The following COBL variants were observed in gnomAD, a reference collection of about 807,000 sequenced individuals.
COBL encodes cordon-bleu WH2 repeat protein.
In COBL, 51 loss-of-function variants were observed where a neutral mutation model predicts 98.8. The observed-to-expected ratio is 0.52, with a 90% CI of 0.41 to 0.65. COBL has a LOEUF of 0.65. Among genes scored for constraint, COBL ranks in the 30% least tolerant of loss-of-function variants. The pLI is 0.00. For synonymous variants in COBL, 634 were observed against 651.7 expected (o/e 0.97, Z 0.41); for missense variants, 1,617 against 1,617.5 (o/e 1.00, Z 0.01).
intron 6 of COBL, among the ~76,000 whole-genome samples, chr7:51,123,487 C>G (rs1000030445): frequency 6.6e-6 from 1 of 152,148 alleles, no homozygotes; most frequent in Non-Finnish European, 1.5e-5. Flanking sequence ...CCAATTCTTT[C>G]ATTTTCTGCC....
intron 6 of COBL, among the ~76,000 whole-genome samples, chr7:51,091,862 T>G (rs1794839552): frequency 1.3e-5 from 2 of 151,924 alleles, no homozygotes; most frequent in African/African-American, 4.8e-5. Flanking sequence ...CAGAAGAGGG[T>G]GGAATGACAT....
intron 2 of COBL, among the ~76,000 whole-genome samples, chr7:51,216,545 T>C (rs1466977278): frequency 6.6e-6 from 1 of 152,204 alleles, no homozygotes; most frequent in African/African-American, 2.4e-5. Flanking sequence ...TGTGGGGTGC[T>C]GGTAATACCA....
chr7:51,103,813 T>G (rs1247856291), intron 6 of COBL, among the ~76,000 whole-genome samples: 1 of 152,218 alleles, frequency 6.6e-6, no homozygotes, highest in Non-Finnish European at 1.5e-5. Context: ...TTGCTGGAAA[T>G]CTTACCTATT....
intron 12 of COBL, among the ~76,000 whole-genome samples, chr7:51,024,026 T>G (rs567556583): frequency 2.7e-4 from 41 of 152,232 alleles, no homozygotes; most frequent in African/African-American, 9.9e-4. Context: ...AAATAAAATC[T>G]TTGCCGGGCG....
At chr7:51,189,790 T>C (rs1016675748) in intron 4 of COBL, among the ~76,000 whole-genome samples, 2 of 152,234 alleles carry the variant, frequency 1.3e-5, no homozygotes, top group African/African-American at 2.4e-5. Context: ...AGACATCAAA[T>C]GAGGCTTATT....
chr7:51,274,828 T>C lies in COBL; in HGVS notation c.41+41765A>G, dbSNP rs530372001. 3.3e-5 allele frequency among the ~76,000 whole-genome samples: 5 copies of C among 152,370 alleles called. 1 individual carries two copies. Among genetic ancestry groups the C allele is most frequent in the South Asian group, 4.1e-4 (2 of 4,830 alleles). On this transcript the variant is annotated intron_variant, in intron 1 of 12. Transcript: ENST00000265136. ...ACCAGTCATGTTTTAAAATATAAGA[T>C]AGAAGATCAGCATTTGGGAATCTGA...
chr7:51,143,005 T>A (rs1784681809), intron 5 of COBL, among the ~76,000 whole-genome samples: 1 of 151,898 alleles, frequency 6.6e-6, no homozygotes, highest in Admixed American at 6.6e-5. Flanking sequence ...TGGTGCAAAC[T>A]TCATCAGGGC....
intron 6 of COBL, among the ~76,000 whole-genome samples, chr7:51,115,581 T>C (rs912911721): frequency 2.0e-5 from 3 of 152,136 alleles, no homozygotes; most frequent in Admixed American, 2.0e-4. Context: ...CCTAGACATA[T>C]TGTTACTGTT....
chr7:51,115,630 T>C (rs971012470), intron 6 of COBL, among the ~76,000 whole-genome samples: 11 of 152,140 alleles, frequency 7.2e-5, no homozygotes, highest in Admixed American at 2.0e-4. Context: ...TAAATCCTTT[T>C]AAGTATATTG....
chr7:51,147,998 G>T (rs543240107), intron 5 of COBL, among the ~76,000 whole-genome samples: 3 of 152,122 alleles, frequency 2.0e-5, no homozygotes, highest in African/African-American at 7.2e-5. Context: ...TCCGGATCTC[G>T]TGATCCGCCC....
chr7:51,082,958 C>A, intron 7 of COBL: 1 of 1,125,974 alleles, frequency 8.9e-7, no homozygotes, highest in South Asian at 1.3e-5. Flanking sequence ...GCACACACAT[C>A]CAAAGACAAG....
At chr7:51,226,282 G>C (rs1022912380) in intron 1 of COBL, among the ~76,000 whole-genome samples, 10 of 152,200 alleles carry the variant, frequency 6.6e-5, no homozygotes, top group African/African-American at 2.4e-4. Context: ...AAGAGAGTCT[G>C]TTTATGCTGC....
chr7:51,232,277 C>T (rs2302152), intron 1 of COBL, among the ~76,000 whole-genome samples: 94,694 of 151,876 alleles, frequency 0.62, 29,674 homozygotes, highest in East Asian at 0.69. Flanking sequence ...AAGAAGAAAA[C>T]AATAAAAAAG....
At chr7:51,273,717 C>A (rs1799008376) in intron 1 of COBL, among the ~76,000 whole-genome samples, 1 of 152,196 alleles carries the variant, frequency 6.6e-6, no homozygotes, top group Admixed American at 6.5e-5. Flanking sequence ...AAATGAATGA[C>A]AAGTTCTACC....
At chr7:51,208,228 G>A (rs1468018433) in intron 2 of COBL, among the ~76,000 whole-genome samples, 1 of 149,188 alleles carries the variant, frequency 6.7e-6, no homozygotes, top group South Asian at 2.1e-4. Flanking sequence ...GAGCCCCTCC[G>A]CCCGGCAGCC....
intron 1 of COBL, among the ~76,000 whole-genome samples, chr7:51,255,509 G>A (rs142268353): frequency 0.012 from 1,754 of 152,302 alleles, 30 homozygotes; most frequent in African/African-American, 0.04. Context: ...ATCCCATGAG[G>A]GAGGGTCTGC....
Position 51,063,333 on chromosome 7 carries a change from C to T in COBL, c.1097-19641G>A, listed in dbSNP as rs186114278. Among the ~76,000 whole-genome samples the T allele has an allele frequency of 2.0e-5, 3 of 152,214 alleles. No individual in the cohort carries two copies. The East Asian group carries it at 5.8e-4, about 29-fold the overall frequency. On this transcript the variant is annotated intron_variant, in intron 7 of 12. Transcript: ENST00000265136. ...TATTTTCAGTAGAGATGGGGTTTTG[C>T]CATATTGGCCAGGCTGGCTTCGAAC...
At chr7:51,316,452 G>T (rs1803605442) in intron 1 of COBL, 141 bp downstream of exon 1, 1 of 555,478 alleles carries the variant, frequency 1.8e-6, no homozygotes. Flanking sequence ...CACCAGCACC[G>T]CACCACCTGC....
intron 5 of COBL, among the ~76,000 whole-genome samples, chr7:51,142,197 T>C (rs1441000013): frequency 6.6e-6 from 1 of 151,900 alleles, no homozygotes; most frequent in Non-Finnish European, 1.5e-5. Context: ...TTTGGCCAAG[T>C]ACCCCATGGA....
Sources: allele counts gnomAD v4.1 joint callset (sites outside exome capture counted in the v4.1 genomes callset), GRCh38; gene constraint gnomAD v4.1.1; transcripts MANE v1.5; gene names NCBI Gene and HGNC (gene_info 2026-07-23, HGNC 2026-07-21).